HS6ST3: variants seen among roughly 807,000 people sequenced by gnomAD.
HS6ST3 encodes the protein heparan-sulfate 6-O-sulfotransferase 3.
HS6ST3 carries 12 observed loss-of-function variants against 36.7 expected under a neutral mutation model. The observed-to-expected ratio is 0.33, with a 90% CI of 0.21 to 0.53. The LOEUF (loss-of-function observed/expected upper bound fraction) is 0.53, where lower values mean the gene tolerates loss of function less well. HS6ST3 is among the 20% of genes least tolerant of loss of function. HS6ST3 has a pLI of 0.95. For synonymous variants in HS6ST3, 240 were observed against 257.5 expected, an observed-to-expected ratio of 0.93 and a Z score of 0.65; for missense variants, 584 against 640.9, an observed-to-expected ratio of 0.91 and a Z score of 0.96.
chr13:96,578,552 T>C (rs561573336), intron 1 of HS6ST3, among the ~76,000 whole-genome samples: 91 of 152,180 alleles, frequency 6.0e-4, no homozygotes, highest in African/African-American at 2.1e-3. Context: ...TGTTTTCTTT[T>C]ATTTACTTAT....
intron 1 of HS6ST3, among the ~76,000 whole-genome samples, chr13:96,131,508 T>C (rs1409568249): frequency 6.6e-6 from 1 of 152,230 alleles, no homozygotes; most frequent in Non-Finnish European, 1.5e-5. Flanking sequence ...ACTAAATAAA[T>C]CTAATTAACA....
At chr13:96,819,381 A>G (rs1054229006) in intron 1 of HS6ST3, among the ~76,000 whole-genome samples, 2 of 152,192 alleles carry the variant, frequency 1.3e-5, no homozygotes, top group African/African-American at 2.4e-5. Context: ...ATCAAAAAAC[A>G]TACCAGAAGG....
intron 1 of HS6ST3, among the ~76,000 whole-genome samples, chr13:96,638,520 G>C (rs574248416): frequency 6.6e-6 from 1 of 152,070 alleles, no homozygotes; most frequent in South Asian, 2.1e-4. Flanking sequence ...GGAGGGACTA[G>C]GTGGAGGTAA....
intron 1 of HS6ST3, among the ~76,000 whole-genome samples, chr13:96,383,852 G>A (rs2055354260): frequency 6.6e-6 from 1 of 152,198 alleles, no homozygotes; most frequent in African/African-American, 2.4e-5. Flanking sequence ...TCAGAGGTCA[G>A]GATGAGGCCC....
At chr13:96,395,206 A>C (rs1427964201) in intron 1 of HS6ST3, among the ~76,000 whole-genome samples, 1 of 152,178 alleles carries the variant, frequency 6.6e-6, no homozygotes. Context: ...ATAATATTGT[A>C]AAAATTTTTA....
At chr13:96,313,490 ACT>A (rs1437570786) in intron 1 of HS6ST3, among the ~76,000 whole-genome samples, 2 of 151,878 alleles carry the variant, frequency 1.3e-5, no homozygotes, top group African/African-American at 4.8e-5. Context: ...TCGATTTAGC[ACT>A]CATTTCATTT....
At chr13:96,502,225 G>C (rs1352529712) in intron 1 of HS6ST3, among the ~76,000 whole-genome samples, 1 of 152,088 alleles carries the variant, frequency 6.6e-6, no homozygotes, top group Non-Finnish European at 1.5e-5. Flanking sequence ...CTGATATCTG[G>C]TAGTTTCATG....
At chr13:96,630,394 C>T (rs931018394) in intron 1 of HS6ST3, among the ~76,000 whole-genome samples, 2 of 152,194 alleles carry the variant, frequency 1.3e-5, no homozygotes, top group Non-Finnish European at 2.9e-5. Context: ...TTGGGATTTT[C>T]AAATTCATAC....
At chr13:96,493,048 A>G (rs2055954592) in intron 1 of HS6ST3, among the ~76,000 whole-genome samples, 1 of 152,206 alleles carries the variant, frequency 6.6e-6, no homozygotes, top group Non-Finnish European at 1.5e-5. Flanking sequence ...ACGCTTAGAA[A>G]AAGTTGCCCT....
chr13:96,778,245 A>G (rs533552165), intron 1 of HS6ST3, among the ~76,000 whole-genome samples: 24 of 152,328 alleles, frequency 1.6e-4, no homozygotes, highest in African/African-American at 5.5e-4. Context: ...AGGCAATACC[A>G]TTCAGGACAT....
intron 1 of HS6ST3, among the ~76,000 whole-genome samples, chr13:96,179,131 A>T (rs2054226717): frequency 6.6e-6 from 1 of 152,210 alleles, no homozygotes; most frequent in African/African-American, 2.4e-5. Context: ...AAGTTAAATG[A>T]TGAATATCTC....
intron 1 of HS6ST3, among the ~76,000 whole-genome samples, chr13:96,304,626 A>G (rs1594748142): frequency 6.6e-6 from 1 of 151,260 alleles, no homozygotes; most frequent in South Asian, 2.1e-4. Flanking sequence ...AGAATAACAT[A>G]TATAATGTGG....
chr13:96,294,310 A>G (rs991985089), intron 1 of HS6ST3, among the ~76,000 whole-genome samples: 7 of 152,182 alleles, frequency 4.6e-5, no homozygotes, highest in Non-Finnish European at 1.0e-4. Flanking sequence ...TTCTGTTGAT[A>G]TTTCAGGCAG....
intron 1 of HS6ST3, among the ~76,000 whole-genome samples, chr13:96,252,878 C>T (rs919264193): frequency 1.3e-5 from 2 of 151,992 alleles, no homozygotes; most frequent in African/African-American, 4.8e-5. Context: ...CTCCCTGAGG[C>T]CTCTCCAGAA....
At chr13:96,675,723 T>C (rs955756034) in intron 1 of HS6ST3, among the ~76,000 whole-genome samples, 15 of 152,202 alleles carry the variant, frequency 9.9e-5, no homozygotes, top group Non-Finnish European at 1.0e-4. Context: ...GGAAAGATTA[T>C]TGTAAGGCAA....
chr13:96,800,001 T>C (rs1240853630), intron 1 of HS6ST3, among the ~76,000 whole-genome samples: 1 of 94,070 alleles, frequency 1.1e-5, no homozygotes, highest in Non-Finnish European at 2.0e-5. Flanking sequence ...TATATATGTA[T>C]ATATATATAT....
chr13:96,804,620 T>A (rs1017029360), intron 1 of HS6ST3, among the ~76,000 whole-genome samples: 4 of 150,020 alleles, frequency 2.7e-5, no homozygotes, highest in Non-Finnish European at 5.9e-5. Context: ...AAAGAATCAT[T>A]TTTTTTTTTA....
chr13:96,655,748 A>G (rs1448152995), intron 1 of HS6ST3, among the ~76,000 whole-genome samples: 1 of 152,118 alleles, frequency 6.6e-6, no homozygotes, highest in Non-Finnish European at 1.5e-5. Context: ...AACCAGATAC[A>G]TATTTTGTTC....
chr13:96,243,058 A>T (rs1404178044), intron 1 of HS6ST3, among the ~76,000 whole-genome samples: 1 of 152,264 alleles, frequency 6.6e-6, no homozygotes, highest in African/African-American at 2.4e-5. Context: ...TTTTTAACTC[A>T]GTACATCCAA....
Sources: allele counts gnomAD v4.1 joint callset (sites outside exome capture counted in the v4.1 genomes callset), GRCh38; gene constraint gnomAD v4.1.1; transcripts MANE v1.5; gene names NCBI Gene and HGNC (gene_info 2026-07-23, HGNC 2026-07-21).